KIAA1217: variants seen among roughly 807,000 people sequenced by gnomAD.
KIAA1217 encodes KIAA1217.
In KIAA1217, 88 loss-of-function variants were observed where a neutral mutation model predicts 163.9. The ratio of observed to expected loss-of-function variants is 0.54; its 90% CI spans 0.45 to 0.64. The LOEUF is 0.64. Ranked by LOEUF, KIAA1217 falls within the 30% of genes least tolerant of loss-of-function variation. The pLI is 0.00. For synonymous variants in KIAA1217, 903 were observed against 923.1 expected, an observed-to-expected ratio of 0.98 and a Z score of 0.39; for missense variants, 2,372 against 2,475.0, an observed-to-expected ratio of 0.96 and a Z score of 0.88.
intron 9 of KIAA1217, among the ~76,000 whole-genome samples, chr10:24,512,685 A>G (rs563704277): frequency 1.3e-4 from 20 of 152,312 alleles, no homozygotes; most frequent in Admixed American, 8.5e-4. Flanking sequence ...GGTACATGGA[A>G]CCATGTGAAC....
At chr10:24,019,216 T>C (rs1449195451) in intron 2 of KIAA1217, among the ~76,000 whole-genome samples, 2 of 151,926 alleles carry the variant, frequency 1.3e-5, no homozygotes, top group African/African-American at 4.8e-5. Flanking sequence ...ATCAGAAAAA[T>C]GATAAGTAGG....
intron 4 of KIAA1217, among the ~76,000 whole-genome samples, chr10:24,436,913 T>G (rs911733449): frequency 1.3e-5 from 2 of 152,186 alleles, no homozygotes; most frequent in African/African-American, 4.8e-5. Context: ...AACAGTTGCC[T>G]ATCTCATCAT....
At chr10:23,920,679 G>A (rs1842817751) in intron 1 of KIAA1217, among the ~76,000 whole-genome samples, 1 of 152,136 alleles carries the variant, frequency 6.6e-6, no homozygotes, top group African/African-American at 2.4e-5. Flanking sequence ...CAGTGACAGG[G>A]ACTTCTCTGT....
chr10:24,140,799 G>A lies in KIAA1217; in HGVS notation c.-170-78827G>A, dbSNP rs374894549. Among the ~76,000 whole-genome samples, 6 of 152,238 alleles carry A rather than the reference G, an allele frequency of 3.9e-5. No individual in the cohort carries two copies. In the East Asian group the frequency reaches 9.6e-4, roughly 24 times the overall value. ...TGCTTGACATACCTTTAGTGGTTGCGAACGTTACCTCTTATTAGAATTTGC... is the reference window on the plus strand; with the variant it reads ...TGCTTGACATACCTTTAGTGGTTGCAAACGTTACCTCTTATTAGAATTTGC... On this transcript the variant is annotated intron_variant, in intron 2 of 18. Coordinates refer to the KIAA1217 transcript ENST00000376462.
At position 24,545,840 on chromosome 10, in the gene KIAA1217, C is replaced by A; in HGVS notation, c.5348C>A (p.Ala1783Asp). The change falls in exon 21 of 21, where the codon GCT (alanine) becomes GAT (aspartate). Residue 1783 changes from alanine to aspartate, a missense_variant. Ala to Asp is a moderately radical substitution (Grantham distance 126, BLOSUM62 -2). Transcript: ENST00000376454. ...CTTTATTTGCAGGCTAATGGAAGTG[C>A]TAAGAAATCTGGTGGGGACTTTAAG... ...PRQYRQANGS[A>D]KKSGGDFKPT... 6.3e-7 allele frequency: 1 copy of A among 1,592,818 alleles called. No individual in the cohort carries two copies. The highest frequency in any genetic ancestry group is 8.5e-7 in the Non-Finnish European group (1 of 1,171,272).
At chr10:24,379,413 C>T (rs972298517) in intron 2 of KIAA1217, among the ~76,000 whole-genome samples, 11 of 152,192 alleles carry the variant, frequency 7.2e-5, no homozygotes, top group Non-Finnish European at 1.2e-4. Context: ...CATGTCCTTT[C>T]TGGTCATGAT....
At chr10:23,767,578 T>A (rs928142980) in intron 1 of KIAA1217, among the ~76,000 whole-genome samples, 4 of 151,992 alleles carry the variant, frequency 2.6e-5, no homozygotes, top group Admixed American at 6.6e-5. Context: ...TCATTTTTTT[T>A]AAAAGAAAAA....
chr10:24,182,437 A>ACCACACACACAC (rs755699331), intron 2 of KIAA1217, among the ~76,000 whole-genome samples: 1,617 of 108,646 alleles, frequency 0.015, 20 homozygotes, highest in East Asian at 0.04. Context: ...GCAAGACTCC[A>ACCACACACACAC]TCACACACAC....
At chr10:24,475,926 G>C (rs2063979967) in intron 6 of KIAA1217, among the ~76,000 whole-genome samples, 1 of 152,098 alleles carries the variant, frequency 6.6e-6, no homozygotes. Flanking sequence ...ACGGGAGCAA[G>C]AATTTAGACC....
chr10:23,758,276 A>G, intron 1 of KIAA1217, among the ~76,000 whole-genome samples: 1 of 152,212 alleles, frequency 6.6e-6, no homozygotes, highest in East Asian at 1.9e-4. Flanking sequence ...TTGCATGTGA[A>G]TATCAAAATT....
At chr10:24,383,171 A>T (rs1247604598) in intron 3 of KIAA1217, among the ~76,000 whole-genome samples, 1 of 151,926 alleles carries the variant, frequency 6.6e-6, no homozygotes, top group East Asian at 1.9e-4. Flanking sequence ...TCTTAACTCC[A>T]CTCACACTTA....
chr10:23,849,924 C>T, intron 1 of KIAA1217, among the ~76,000 whole-genome samples: 1 of 152,082 alleles, frequency 6.6e-6, no homozygotes, highest in East Asian at 1.9e-4. Flanking sequence ...ATGCGTACAA[C>T]AGACACATTG....
chr10:23,993,395 A>G (rs1846309374), intron 1 of KIAA1217, among the ~76,000 whole-genome samples: 1 of 151,856 alleles, frequency 6.6e-6, no homozygotes, highest in Non-Finnish European at 1.5e-5. Context: ...GAGGACTTTC[A>G]TGGTCTTCTC....
At chr10:23,792,410 G>T (rs535174602) in intron 1 of KIAA1217, among the ~76,000 whole-genome samples, 2 of 152,152 alleles carry the variant, frequency 1.3e-5, no homozygotes, top group Admixed American at 1.3e-4. Flanking sequence ...CCGCATATTA[G>T]TCTTTTTGAA....
intron 1 of KIAA1217, among the ~76,000 whole-genome samples, chr10:23,901,196 G>T (rs1207471121): frequency 1.3e-5 from 2 of 151,980 alleles, no homozygotes; most frequent in Non-Finnish European, 2.9e-5. Flanking sequence ...TATTTAGCTG[G>T]GGAAATTTAG....
intron 9 of KIAA1217, 115 bp from the exon 10 acceptor site, chr10:24,513,144 T>TAA (rs2069477831): frequency 2.6e-5 from 23 of 889,856 alleles, no homozygotes; most frequent in Non-Finnish European, 3.9e-5. Context: ...TTGAAATAAG[T>TAA]AAAGATTCAG....
At chr10:24,302,135 G>A (rs890430060) in intron 2 of KIAA1217, among the ~76,000 whole-genome samples, 1 of 152,202 alleles carries the variant, frequency 6.6e-6, no homozygotes, top group African/African-American at 2.4e-5. Context: ...TGGCAGGTTG[G>A]ACAGGAGAAC....
rs540497704 is a variant in KIAA1217 at position 23,869,745 on chromosome 10, C to A, written c.-320-137480C>A. On this transcript the variant is annotated intron_variant, in intron 1 of 18. Coordinates refer to the KIAA1217 transcript ENST00000376462. ...ACACTGGTAAGACAAGTACCACGGC[C>A]GCCAAGAATTCCACATGATTGATTT... Among the ~76,000 whole-genome samples the A allele has an allele frequency of 7.0e-4, 106 of 152,084 alleles. 1 individual carries two copies. The highest frequency in any genetic ancestry group is 2.1e-3 in the African/African-American group (87 of 41,502).
intron 2 of KIAA1217, among the ~76,000 whole-genome samples, chr10:24,089,478 T>C (rs1250418163): frequency 1.6e-5 from 2 of 126,114 alleles, no homozygotes; most frequent in East Asian, 3.9e-4. Flanking sequence ...TTGTATAAGG[T>C]GTAAGGAAGG....
Sources: allele counts gnomAD v4.1 joint callset (sites outside exome capture counted in the v4.1 genomes callset), GRCh38; gene constraint gnomAD v4.1.1; transcripts MANE v1.5; gene names NCBI Gene and HGNC (gene_info 2026-07-23, HGNC 2026-07-21).